LMBR1: variants seen among roughly 807,000 people sequenced by gnomAD.
LMBR1 encodes the protein limb development membrane protein 1.
LMBR1 carries 52 observed loss-of-function variants against 73.9 expected under a neutral mutation model. That is an observed-to-expected ratio of 0.70 (90% CI 0.56 to 0.89). The LOEUF (loss-of-function observed/expected upper bound fraction) is 0.89, where lower values mean the gene tolerates loss of function less well. Ranked by LOEUF, LMBR1 falls within the 40% of genes least tolerant of loss-of-function variation. The pLI, the probability that LMBR1 is intolerant of heterozygous loss-of-function variation, is 0.00. For synonymous variants in LMBR1, 215 were observed against 209.4 expected (o/e 1.03, Z -0.23); for missense variants, 539 against 579.8 (o/e 0.93, Z 0.72).
In LMBR1 at chr7:156,682,069, C is replaced by T. The variant is rs1805153176; in HGVS notation, c.*2009G>A. The stretch of plus-strand genomic sequence containing the variant: ...AGTCCCAGGTTCGAAGCCGTCCTTC[C>T]ACCCCATGCATATCCTTTGCTTCAA... On this transcript the variant is annotated 3_prime_UTR_variant, in exon 17 of 17. Coordinates refer to ENST00000353442, the MANE Select transcript of LMBR1 (RefSeq NM_022458.4). 1 of 152,308 alleles carries T rather than the reference C, an allele frequency of 6.6e-6. No homozygotes were observed. Among genetic ancestry groups the T allele is most frequent in the African/African-American group, 2.4e-5 (1 of 41,464 alleles). The allele number at this position is 152,308 out of a possible 1,614,324, so 9.4% of individuals were successfully genotyped here.
At chr7:156,732,902 G>C (rs112876073) in intron 10 of LMBR1, among the ~76,000 whole-genome samples, 4,869 of 152,292 alleles carry the variant, frequency 0.032, 123 homozygotes, top group South Asian at 0.084. Flanking sequence ...CCAGTACTTT[G>C]GGAGGCTGAC....
chr7:156,808,769 G>A (rs10244145), intron 4 of LMBR1, among the ~76,000 whole-genome samples: 11,417 of 151,758 alleles, frequency 0.075, 496 homozygotes, highest in East Asian at 0.14. Flanking sequence ...TATCATATAC[G>A]CCTTTAACTC....
chr7:156,741,532 G>T (rs1360274007), intron 9 of LMBR1, among the ~76,000 whole-genome samples: 1 of 152,060 alleles, frequency 6.6e-6, no homozygotes, highest in African/African-American at 2.4e-5. Context: ...TAGATTTCAA[G>T]ACAAGAAATG....
chr7:156,882,451 C>T (rs1434765142), intron 1 of LMBR1, among the ~76,000 whole-genome samples: 2 of 152,054 alleles, frequency 1.3e-5, no homozygotes, highest in African/African-American at 4.8e-5. Flanking sequence ...AAAGGAAATT[C>T]TGCAAAATGC....
At chr7:156,741,233 G>C (rs1397254198) in intron 9 of LMBR1, among the ~76,000 whole-genome samples, 1 of 151,966 alleles carries the variant, frequency 6.6e-6, no homozygotes, top group Non-Finnish European at 1.5e-5. Flanking sequence ...AAGACAGGAA[G>C]GAAAGAAGAG....
chr7:156,788,831 T>C (rs1045386763), intron 5 of LMBR1, among the ~76,000 whole-genome samples: 2 of 152,182 alleles, frequency 1.3e-5, no homozygotes, highest in Admixed American at 1.3e-4. Context: ...GTGGATCACC[T>C]GAGGTCAGGA....
chr7:156,886,746 T>C (rs541334997), intron 1 of LMBR1, among the ~76,000 whole-genome samples: 4 of 152,358 alleles, frequency 2.6e-5, no homozygotes, highest in Admixed American at 2.0e-4. Flanking sequence ...AACCAGTTTA[T>C]TCTTTAAGGG....
intron 1 of LMBR1, among the ~76,000 whole-genome samples, chr7:156,889,646 A>G (rs187463681): frequency 3.3e-4 from 50 of 152,322 alleles, no homozygotes; most frequent in African/African-American, 1.1e-3. Context: ...AAAGAACTCC[A>G]TAATCGGTAC....
chr7:156,828,935 G>A (rs1192227073), intron 3 of LMBR1, among the ~76,000 whole-genome samples: 1 of 152,114 alleles, frequency 6.6e-6, no homozygotes, highest in African/African-American at 2.4e-5. Flanking sequence ...ACAGTACCAG[G>A]CGTTATCAGT....
In LMBR1 at chr7:156,680,705, A is replaced by C. The variant is rs1002514723; in HGVS notation, c.*3373T>G. 5.2e-4 allele frequency: 83 copies of C among 159,380 alleles called. No homozygotes were observed. Among genetic ancestry groups the C allele is most frequent in the African/African-American group, 2.0e-3 (81 of 41,518 alleles). The allele number at this position is 159,380 out of a possible 1,614,324, so 9.9% of individuals were successfully genotyped here. A position where few individuals can be genotyped will look rare whatever the true frequency, so the allele number is the denominator to read the frequency against. On this transcript the variant is annotated 3_prime_UTR_variant, in exon 17 of 17. Transcript: ENST00000353442. Reference sequence around the variant, plus strand: ...TCTACCAATAACTGCACAACAGAGAAAGAAAATATCCATTTCTTAATTCAA... The same window carrying C: ...TCTACCAATAACTGCACAACAGAGACAGAAAATATCCATTTCTTAATTCAA...
chr7:156,837,020 A>T (rs1837754501), intron 1 of LMBR1, 135 bp from the exon 2 acceptor site: 1 of 638,008 alleles, frequency 1.6e-6, no homozygotes, highest in South Asian at 2.1e-5. Flanking sequence ...CATTTTACTC[A>T]TTAAAGTTTT....
intron 1 of LMBR1, chr7:156,872,071 T>C (rs1238102493): frequency 2.0e-5 from 3 of 152,136 alleles, no homozygotes; most frequent in Admixed American, 2.0e-4. Context: ...TTAGAACCAA[T>C]AAATTTAGCT....
At chr7:156,699,795 GA>G (rs1476509539) in intron 15 of LMBR1, among the ~76,000 whole-genome samples, 2 of 152,096 alleles carry the variant, frequency 1.3e-5, no homozygotes, top group African/African-American at 4.8e-5. Flanking sequence ...AAAAACACAT[GA>G]AAAAATGCTC....
At chr7:156,740,908 T>A (rs1585489707) in intron 9 of LMBR1, among the ~76,000 whole-genome samples, 1 of 152,336 alleles carries the variant, frequency 6.6e-6, no homozygotes, top group Non-Finnish European at 1.5e-5. Context: ...GTAGAAAGAT[T>A]AAATGACGAA....
At chr7:156,716,704 G>C (rs2132264993) in intron 15 of LMBR1, among the ~76,000 whole-genome samples, 1 of 152,266 alleles carries the variant, frequency 6.6e-6, no homozygotes, top group Admixed American at 6.5e-5. Context: ...CATCCGCTTA[G>C]AATCTACTTC....
At chr7:156,819,711 T>C (rs1440361562) in intron 4 of LMBR1, among the ~76,000 whole-genome samples, 1 of 152,182 alleles carries the variant, frequency 6.6e-6, no homozygotes, top group Non-Finnish European at 1.5e-5. Context: ...CTGACACTGA[T>C]CCTAGGAGAC....
At position 156,826,663 on chromosome 7, in the gene LMBR1, G is replaced by A. The variant is rs772709122; in HGVS notation, c.261C>T (p.Ile87=). ...AGTAGTTCTGAGGAAAAGAAAGCAG[G>A]ATTTCATTGCTGATGATTGAGAAGG... ...LLPFSIISNE[I]LLSFPQNYYI... The change falls in exon 4 of 17, where the codon ATC becomes ATT. Residue 87 remains isoleucine, a synonymous_variant. Coordinates refer to ENST00000353442, the MANE Select transcript of LMBR1 (RefSeq NM_022458.4). 5 of 1,606,910 alleles carry A rather than the reference G, an allele frequency of 3.1e-6. No homozygotes were observed. The highest frequency in any genetic ancestry group is 1.7e-5 in the Admixed American group (1 of 59,242).
chr7:156,805,333 C>G (rs547627720), intron 4 of LMBR1, among the ~76,000 whole-genome samples: 1 of 151,858 alleles, frequency 6.6e-6, no homozygotes, highest in Non-Finnish European at 1.5e-5. Flanking sequence ...TCTCCTGCCT[C>G]AGACTCCCAA....
intron 9 of LMBR1, among the ~76,000 whole-genome samples, chr7:156,734,908 CAT>C (rs1817563344): frequency 6.6e-6 from 1 of 152,166 alleles, no homozygotes; most frequent in Non-Finnish European, 1.5e-5. Context: ...GTTTTTATTA[CAT>C]GTTTTACACG....
Sources: allele counts gnomAD v4.1 joint callset (sites outside exome capture counted in the v4.1 genomes callset), GRCh38; gene constraint gnomAD v4.1.1; transcripts MANE v1.5; gene names NCBI Gene and HGNC (gene_info 2026-07-23, HGNC 2026-07-21).